KLHL4: variants seen among roughly 807,000 people sequenced by gnomAD.
KLHL4 encodes kelch-like protein 4.
In KLHL4, 17 loss-of-function variants were observed where a neutral mutation model predicts 45.8. That is an observed-to-expected ratio of 0.37 (90% CI 0.25 to 0.56). The LOEUF (loss-of-function observed/expected upper bound fraction) is 0.56. Ranked by LOEUF, KLHL4 falls within the 20% of genes least tolerant of loss-of-function variation. The pLI is 0.79. For synonymous variants in KLHL4, 224 were observed against 189.9 expected (o/e 1.18, Z -1.47); for missense variants, 544 against 544.9 (o/e 1.00, Z 0.02).
At chrX:87,521,884 G>A (rs1931008514) in intron 1 of KLHL4, among the ~76,000 whole-genome samples, 1 of 112,631 alleles carries the variant, frequency 8.9e-6, no homozygotes, top group Admixed American at 9.4e-5. Context: ...CCACAGAGGT[G>A]ACTTTCCAGC....
At chrX:87,622,488 T>A (rs1922785363) in intron 5 of KLHL4, 65 bp downstream of exon 5, 2 of 708,250 alleles carry the variant, frequency 2.8e-6, no homozygotes, top group Non-Finnish European at 4.1e-6. Context: ...CTAATCCATT[T>A]CTTATTTGCC....
intron 9 of KLHL4, among the ~76,000 whole-genome samples, chrX:87,654,561 G>A (rs964382159): frequency 2.7e-5 from 3 of 111,393 alleles, no homozygotes; most frequent in Non-Finnish European, 5.7e-5. Flanking sequence ...GGACATTTAG[G>A]TTGATTTCAT....
chrX:87,550,642 G>GA (rs1273683688), intron 1 of KLHL4, among the ~76,000 whole-genome samples: 5 of 109,942 alleles, frequency 4.5e-5, no homozygotes, highest in East Asian at 2.9e-4. Flanking sequence ...ACAAAATATC[G>GA]AAAAAAAATC....
chrX:87,651,702 T>C (rs1168644908), intron 9 of KLHL4, among the ~76,000 whole-genome samples: 3 of 112,455 alleles, frequency 2.7e-5, no homozygotes, highest in African/African-American at 9.7e-5. Flanking sequence ...GCTCTGGCCC[T>C]GTGGCTTTGA....
At chrX:87,589,074 C>T (rs991163374) in intron 1 of KLHL4, among the ~76,000 whole-genome samples, 5 of 111,561 alleles carry the variant, frequency 4.5e-5, no homozygotes, top group East Asian at 5.6e-4. Context: ...CATCATTGAT[C>T]ATCAGAGAAA....
At chrX:87,558,274 G>T (rs1183015819) in intron 1 of KLHL4, among the ~76,000 whole-genome samples, 1 of 111,084 alleles carries the variant, frequency 9.0e-6, no homozygotes, top group Non-Finnish European at 1.9e-5. Context: ...ACCTCTTTAA[G>T]CCTCAGTTTC....
chrX:87,622,148 A>G (rs1352796398), intron 4 of KLHL4, 63 bp from the exon 5 acceptor site: 7 of 697,426 alleles, frequency 1.0e-5, no homozygotes, highest in Non-Finnish European at 1.5e-5. Flanking sequence ...ATTCTTTGAT[A>G]TGCTTATTCC....
rs746903099 is a variant in KLHL4 at position 87,533,678 on chromosome X, C to T, written c.422+15363C>T. Among the ~76,000 whole-genome samples the T allele has an allele frequency of 4.6e-5, 5 of 109,403 alleles. No homozygotes were observed. The South Asian group carries it at 2.0e-3, about 44-fold the overall frequency. Reference sequence around the variant, plus strand: ...ATGTAACTAACCTGCACATTGTGCACATGTACCCTAAAACTTAAAGTATAA... The same window carrying T: ...ATGTAACTAACCTGCACATTGTGCATATGTACCCTAAAACTTAAAGTATAA... On this transcript the variant is annotated intron_variant, in intron 1 of 10. Coordinates refer to ENST00000373119, the MANE Select transcript of KLHL4 (RefSeq NM_019117.5).
chrX:87,549,629 T>A (rs1461022553), intron 1 of KLHL4, among the ~76,000 whole-genome samples: 1 of 111,402 alleles, frequency 9.0e-6, no homozygotes, highest in African/African-American at 3.2e-5. Context: ...TTTTGATAAT[T>A]ATACAAGCAC....
intron 1 of KLHL4, among the ~76,000 whole-genome samples, chrX:87,558,266 C>G (rs1173630156): frequency 1.8e-5 from 2 of 111,033 alleles, no homozygotes; most frequent in African/African-American, 6.5e-5. Flanking sequence ...TCTGTTTAAC[C>G]TCTTTAAGCC....
At chrX:87,663,055 A>G (rs1002357038) in intron 9 of KLHL4, among the ~76,000 whole-genome samples, 1 of 104,790 alleles carries the variant, frequency 9.5e-6, no homozygotes, top group African/African-American at 3.5e-5. Flanking sequence ...CACTTTTGGC[A>G]TACCCAATTA....
chrX:87,662,810 G>C (rs1388321035), intron 9 of KLHL4, among the ~76,000 whole-genome samples: 1 of 108,602 alleles, frequency 9.2e-6, no homozygotes, highest in Non-Finnish European at 1.9e-5. Context: ...GGCGCCTGTA[G>C]TCCCAGCTAC....
chrX:87,619,501 G>A (rs1323774472), intron 4 of KLHL4, among the ~76,000 whole-genome samples: 4 of 110,966 alleles, frequency 3.6e-5, no homozygotes, highest in South Asian at 3.8e-4. Flanking sequence ...ATGTCCCTGC[G>A]TCCTAAATAC....
At chrX:87,567,027 T>C (rs191644018) in intron 1 of KLHL4, among the ~76,000 whole-genome samples, 1 of 110,657 alleles carries the variant, frequency 9.0e-6, no homozygotes, top group East Asian at 2.9e-4. Flanking sequence ...CGTTTACCTA[T>C]GTAACAAACC....
In KLHL4 at chrX:87,634,504, G is replaced by A. The variant is rs770746247; in HGVS notation, c.1712+593G>A. On this transcript the variant is annotated intron_variant, in intron 8 of 10. Transcript: ENST00000373119. ...AGGTATTATGTGCTTTCTGACAAGGGAACTTTGGAGACAATGACCAGCATA... is the reference window on the plus strand; with the variant it reads ...AGGTATTATGTGCTTTCTGACAAGGAAACTTTGGAGACAATGACCAGCATA... 4.5e-5 allele frequency among the ~76,000 whole-genome samples: 5 copies of A among 111,727 alleles called. No individual in the cohort carries two copies. The South Asian group carries it at 1.9e-3, about 43-fold the overall frequency.
At chrX:87,612,820 A>G (rs1394571282) in intron 1 of KLHL4, among the ~76,000 whole-genome samples, 6 of 111,192 alleles carry the variant, frequency 5.4e-5, no homozygotes, top group African/African-American at 2.0e-4. Flanking sequence ...GAACTGAATC[A>G]TTACTAGAAA....
rs765590483 is a variant in KLHL4 at position 87,532,076 on chromosome X, T to C, written c.422+13761T>C. Among the ~76,000 whole-genome samples, 5 of 110,255 alleles carry C rather than the reference T, an allele frequency of 4.5e-5. No homozygotes were observed. The South Asian group carries it at 2.0e-3, about 44-fold the overall frequency. On this transcript the variant is annotated intron_variant, in intron 1 of 10. Transcript: ENST00000373119. ...CTGGAGGCATCACACTACCTGACGT[T>C]TAAGTCTTTAATCCATCTTGAATTA...
chrX:87,611,574 A>G (rs1922371468), intron 1 of KLHL4, among the ~76,000 whole-genome samples: 1 of 111,223 alleles, frequency 9.0e-6, no homozygotes, highest in African/African-American at 3.3e-5. Flanking sequence ...ACTATCAGTC[A>G]TATAAAAAAG....
chrX:87,587,985 C>A lies in KLHL4; in HGVS notation c.423-25892C>A, dbSNP rs1055837814. Among the ~76,000 whole-genome samples the A allele has an allele frequency of 3.6e-5, 4 of 111,562 alleles. No individual in the cohort carries two copies. The East Asian group carries it at 1.1e-3, about 31-fold the overall frequency. On this transcript the variant is annotated intron_variant, in intron 1 of 10. Coordinates refer to ENST00000373119, the MANE Select transcript of KLHL4 (RefSeq NM_019117.5). ...GGATAAAAAATCAACATACAAAAATCAGTAGCATTCCATATGTCAACAGTG... is the reference window on the plus strand; with the variant it reads ...GGATAAAAAATCAACATACAAAAATAAGTAGCATTCCATATGTCAACAGTG...
Sources: allele counts gnomAD v4.1 joint callset (sites outside exome capture counted in the v4.1 genomes callset), GRCh38; gene constraint gnomAD v4.1.1; transcripts MANE v1.5; gene names NCBI Gene and HGNC (gene_info 2026-07-23, HGNC 2026-07-21).